The following MAP3K3 variants were observed in gnomAD, a reference collection of about 807,000 sequenced individuals.
MAP3K3 encodes the protein MAP/ERK kinase kinase 3.
In MAP3K3, 12 loss-of-function variants were observed where a neutral mutation model predicts 80.9. The observed-to-expected ratio is 0.15, with a 90% CI of 0.10 to 0.24. The LOEUF (loss-of-function observed/expected upper bound fraction) is 0.24. MAP3K3 is among the 10% of genes least tolerant of loss of function. The pLI, the probability that MAP3K3 is intolerant of heterozygous loss-of-function variation, is 1.00. For synonymous variants in MAP3K3, 272 were observed against 307.1 expected (o/e 0.89, Z 1.19); for missense variants, 596 against 834.7 (o/e 0.71, Z 3.52).
Position 63,694,067 on chromosome 17 carries a change from C to T in MAP3K3, c.*290C>T. On this transcript the variant is annotated 3_prime_UTR_variant, in exon 16 of 16. Transcript: ENST00000361733. ...GTGTGCAAGGCAGCCGTGGGCCCCA[C>T]CCTCGGGGATGTGTCCTGACACTGC... 2.8e-6 allele frequency: 1 copy of T among 358,322 alleles called. No homozygotes were observed. The highest frequency in any genetic ancestry group is 5.1e-6 in the Non-Finnish European group (1 of 197,244). 22.2% of individuals were successfully genotyped at this position (358,322 alleles called of 1,614,324 possible). A position where few individuals can be genotyped will look rare whatever the true frequency, so the allele number is the denominator to read the frequency against.
chr17:63,634,708 G>GA, intron 2 of MAP3K3: 4 of 1,609,858 alleles, frequency 2.5e-6, no homozygotes, highest in Non-Finnish European at 3.4e-6. Context: ...TGTTTTTAAA[G>GA]AAAAAACACA....
chr17:63,626,056 A>G (rs1274816321), intron 1 of MAP3K3, among the ~76,000 whole-genome samples: 1 of 152,198 alleles, frequency 6.6e-6, no homozygotes, highest in Non-Finnish European at 1.5e-5. Flanking sequence ...CCAGGCAACA[A>G]GAGTGAGAGA....
chr17:63,633,868 CATTTGCACCTTGTTTACCA>C (rs2034266611), intron 2 of MAP3K3, among the ~76,000 whole-genome samples: 1 of 152,196 alleles, frequency 6.6e-6, no homozygotes, highest in African/African-American at 2.4e-5. Context: ...CCTTTCTTCT[CATTTGCACCTTGTTTACCA>C]ATTCTTCAGA....
intron 6 of MAP3K3, 93 bp from the exon 7 acceptor site, chr17:63,681,673 G>T (rs2035339604): frequency 2.5e-6 from 3 of 1,209,678 alleles, no homozygotes. Context: ...TCACATTCCT[G>T]ACCTCTAGGG....
Position 63,692,672 on chromosome 17 carries a change from C to T in MAP3K3, c.1652+253C>T, listed in dbSNP as rs2035617024. On this transcript the variant is annotated intron_variant, in intron 15 of 15. Coordinates refer to ENST00000361733, the MANE Select transcript of MAP3K3 (RefSeq NM_002401.5). The surrounding 1 kb of genome is among the most constrained non-coding windows in gnomAD (Gnocchi z 4.5). The stretch of plus-strand genomic sequence containing the variant: ...ATGTTTGCTAAATCTCTTAAGGAAG[C>T]AGGATCCACTCTGAAGGCCTGAAGG... Among the ~76,000 whole-genome samples the T allele has an allele frequency of 1.3e-5, 2 of 152,146 alleles. No homozygotes were observed. The highest frequency in any genetic ancestry group is 4.1e-4 in the South Asian group (2 of 4,836).
rs147621152 is a variant in MAP3K3, at chr17:63,651,838, C to T, written c.168-719C>T. ...ATATCACTAACTCAAGGGGGAATTC[C>T]TGTGACTCTGTAGTAGAAAATCTTA... On this transcript the variant is annotated intron_variant, in intron 3 of 15. Transcript: ENST00000361733. Among the ~76,000 whole-genome samples, 139 of 152,208 alleles carry T rather than the reference C, an allele frequency of 9.1e-4. 1 individual carries two copies. Among genetic ancestry groups the T allele is most frequent in the Non-Finnish European group, 1.0e-3 (71 of 68,002 alleles).
At chr17:63,638,148 G>A (rs1169388724) in intron 2 of MAP3K3, among the ~76,000 whole-genome samples, 1 of 152,182 alleles carries the variant, frequency 6.6e-6, no homozygotes, top group African/African-American at 2.4e-5. Context: ...TAAGAAGATT[G>A]CTTTATAATC....
intron 7 of MAP3K3, 113 bp from the exon 8 acceptor site, chr17:63,685,404 A>C: frequency 1.2e-6 from 1 of 808,016 alleles, no homozygotes; most frequent in South Asian, 1.4e-5. Context: ...GAGAAAAAGG[A>C]CACTTTCATG....
At chr17:63,622,790 T>G in intron 1 of MAP3K3, 27 bp downstream of exon 1, 1 of 492,930 alleles carries the variant, frequency 2.0e-6, no homozygotes. Context: ...CCCCGGCCTG[T>G]GCCCGCGCTG....
intron 6 of MAP3K3, among the ~76,000 whole-genome samples, chr17:63,669,377 TCTCAGCTGCA>T (rs1158048765): frequency 6.6e-6 from 1 of 152,120 alleles, no homozygotes; most frequent in African/African-American, 2.4e-5. Flanking sequence ...TCTAAGGGAC[TCTCAGCTGCA>T]CTCAGACTCT....
Position 63,647,365 on chromosome 17 carries a change from A to T in MAP3K3, c.167+1291A>T, listed in dbSNP as rs181963341. On this transcript the variant is annotated intron_variant, in intron 3 of 15. Coordinates refer to ENST00000361733, the MANE Select transcript of MAP3K3 (RefSeq NM_002401.5). Reference sequence around the variant, plus strand: ...GCTACTTTTCACATTTTCCAACCTGAGTTTTAAAGGGATGGCCAAACTCAG... The same window carrying T: ...GCTACTTTTCACATTTTCCAACCTGTGTTTTAAAGGGATGGCCAAACTCAG... Among the ~76,000 whole-genome samples the T allele has an allele frequency of 2.4e-4, 37 of 152,304 alleles. 1 individual carries two copies. Among genetic ancestry groups the T allele is most frequent in the African/African-American group, 8.7e-4 (36 of 41,570 alleles).
In MAP3K3 at chr17:63,666,973, C is replaced by A. The variant is rs1162103729; in HGVS notation, c.415C>A (p.Gln139Lys). 1 of 1,613,434 alleles carries A rather than the reference C, an allele frequency of 6.2e-7. No homozygotes were observed. Among genetic ancestry groups the A allele is most frequent in the Non-Finnish European group, 8.5e-7 (1 of 1,179,880 alleles). ...SSSPHSGVSR[Q>K]VRIKASQSAG... ...CTCTCCCCACTCTGGGGTGTCCAGA[C>A]AGGTGCGGATCAAGGCTTCCCAGTC... is the stretch of plus-strand genomic sequence containing the variant. Residue 139 changes from glutamine to lysine, a missense_variant, in exon 6 of 16, where the codon CAG becomes AAG. Gln to Lys is a moderately conservative substitution (Grantham distance 53). Around this residue, in one of 2 missense-constraint regions of MAP3K3, gnomAD observed 232 missense variants for 245.8 expected, o/e 0.94. Transcript: ENST00000361733.
intron 2 of MAP3K3, chr17:63,634,638 A>C (rs970337751): frequency 2.3e-5 from 28 of 1,230,742 alleles, no homozygotes; most frequent in Middle Eastern, 1.9e-4. Context: ...TCCATGATTT[A>C]CTTCAATGTT....
intron 8 of MAP3K3, among the ~76,000 whole-genome samples, chr17:63,687,517 G>T (rs990567950): frequency 9.8e-6 from 1 of 102,330 alleles, no homozygotes; most frequent in East Asian, 2.7e-4. Flanking sequence ...GTCTCAAAAA[G>T]AAAAAAAAAA....
intron 1 of MAP3K3, among the ~76,000 whole-genome samples, chr17:63,623,872 A>G (rs1161146787): frequency 6.6e-6 from 1 of 152,180 alleles, no homozygotes; most frequent in Non-Finnish European, 1.5e-5. Flanking sequence ...AGGGAGCCTT[A>G]ATGTTTGCCT....
In MAP3K3 at chr17:63,691,047, A is replaced by C; in HGVS notation, c.1213-55A>C. 1 of 1,608,286 alleles carries C rather than the reference A, an allele frequency of 6.2e-7. No individual in the cohort carries two copies. Among genetic ancestry groups the C allele is most frequent in the Non-Finnish European group, 8.5e-7 (1 of 1,177,070 alleles). ...AACTAGGGCAAGCTGAGCTGAACCC[A>C]GGCGGGCAGAACTAGGGCCCTGAGA... On this transcript the variant is annotated intron_variant, in intron 12 of 15. Coordinates refer to ENST00000361733, the MANE Select transcript of MAP3K3 (RefSeq NM_002401.5). The surrounding 1 kb of genome is among the most constrained non-coding windows in gnomAD (Gnocchi z 4.8).
chr17:63,630,047 A>T (rs924092078), intron 1 of MAP3K3, among the ~76,000 whole-genome samples: 1 of 152,200 alleles, frequency 6.6e-6, no homozygotes, highest in African/African-American at 2.4e-5. Flanking sequence ...AAAATTCTCA[A>T]TACTTAGGGT....
rs535233200 is a variant in MAP3K3, at chr17:63,660,893, G to A, written c.381+2986G>A. Among the ~76,000 whole-genome samples, 194 of 152,222 alleles carry A rather than the reference G, an allele frequency of 1.3e-3. 1 individual carries two copies. The highest frequency in any genetic ancestry group is 4.0e-3 in the African/African-American group (165 of 41,554). On this transcript the variant is annotated intron_variant, in intron 5 of 15. Coordinates refer to ENST00000361733, the MANE Select transcript of MAP3K3 (RefSeq NM_002401.5). ...TTACAGGCATGAGCCACTGCACCCC[G>A]CCTTGGATTCTTCTGATCCCTATAT...
intron 5 of MAP3K3, among the ~76,000 whole-genome samples, chr17:63,663,017 T>A (rs2034927808): frequency 6.6e-6 from 1 of 151,464 alleles, no homozygotes; most frequent in Non-Finnish European, 1.5e-5. Context: ...TTGGGAAACC[T>A]CACCCAGGTG....
Sources: allele counts gnomAD v4.1 joint callset (sites outside exome capture counted in the v4.1 genomes callset), GRCh38; gene constraint gnomAD v4.1.1; regional missense constraint gnomAD v4.1.1; non-coding constraint Gnocchi (gnomAD v3.1); transcripts MANE v1.5; gene names NCBI Gene and HGNC (gene_info 2026-07-23, HGNC 2026-07-21).